CCDC171: variants seen among roughly 807,000 people sequenced by gnomAD.
CCDC171 encodes the protein coiled-coil domain containing 171.
CCDC171 carries 177 observed loss-of-function variants against 168.2 expected under a neutral mutation model. The ratio of observed to expected loss-of-function variants is 1.05; its 90% confidence interval spans 0.93 to 1.19. The LOEUF (loss-of-function observed/expected upper bound fraction) is 1.19. Among genes scored for constraint, CCDC171 ranks in the 50% most tolerant of loss-of-function variants. The pLI is 0.00. For missense variants in CCDC171, 1,991 were observed against 1,539.0 expected, an observed-to-expected ratio of 1.29 and a Z score of -4.91; for synonymous variants, 687 against 540.8, an observed-to-expected ratio of 1.27 and a Z score of -3.75.
At chr9:16,015,924 C>T (rs947759534) in intron 3 of CCDC171, among the ~76,000 whole-genome samples, 4 of 152,166 alleles carry the variant, frequency 2.6e-5, no homozygotes, top group African/African-American at 4.8e-5. Flanking sequence ...AAGGTTCATT[C>T]GTGTTGTAGC....
At chr9:15,751,849 GC>G (rs2055765477) in intron 18 of CCDC171, among the ~76,000 whole-genome samples, 1 of 152,248 alleles carries the variant, frequency 6.6e-6, no homozygotes, top group East Asian at 1.9e-4. Flanking sequence ...ATTGGCATGG[GC>G]AAAGACTTCA....
chr9:15,595,378 T>A (rs564570372), intron 6 of CCDC171, among the ~76,000 whole-genome samples: 1 of 152,288 alleles, frequency 6.6e-6, no homozygotes, highest in Non-Finnish European at 1.5e-5. Context: ...AATTCCCACC[T>A]ATGAGTGAGA....
intron 4 of CCDC171, among the ~76,000 whole-genome samples, chr9:15,585,380 T>C (rs2041475849): frequency 6.6e-6 from 1 of 152,228 alleles, no homozygotes; most frequent in Non-Finnish European, 1.5e-5. Context: ...TTGTGTTATA[T>C]AATGAAATGC....
chr9:15,680,217 G>A (rs1447151711), intron 10 of CCDC171, among the ~76,000 whole-genome samples: 2 of 152,164 alleles, frequency 1.3e-5, no homozygotes, highest in African/African-American at 2.4e-5. Flanking sequence ...ACATTTGTTC[G>A]ATGGATTTAT....
intron 24 of CCDC171, among the ~76,000 whole-genome samples, chr9:15,894,500 A>G (rs1198506851): frequency 5.3e-5 from 8 of 152,052 alleles, no homozygotes; most frequent in African/African-American, 1.2e-4. Flanking sequence ...ATGGCTTCCC[A>G]TCACCCTTAA....
chr9:15,674,119 T>A (rs2049334732), intron 9 of CCDC171, among the ~76,000 whole-genome samples: 1 of 152,176 alleles, frequency 6.6e-6, no homozygotes, highest in African/African-American at 2.4e-5. Context: ...TCTTCTAGAT[T>A]TTCTAGTTTA....
chr9:15,598,604 G>C (rs1427820979), intron 6 of CCDC171, among the ~76,000 whole-genome samples: 1 of 152,168 alleles, frequency 6.6e-6, no homozygotes, highest in East Asian at 1.9e-4. Context: ...GTGGTGTGGT[G>C]CTGAAAAGAA....
At chr9:15,756,151 G>C (rs1255734547) in intron 18 of CCDC171, among the ~76,000 whole-genome samples, 2 of 152,004 alleles carry the variant, frequency 1.3e-5, no homozygotes, top group Admixed American at 6.6e-5. Flanking sequence ...GGGATATTTT[G>C]TAGATGGATC....
chr9:15,998,625 G>T (rs768190440), intron 3 of CCDC171, among the ~76,000 whole-genome samples: 2 of 152,194 alleles, frequency 1.3e-5, no homozygotes, highest in African/African-American at 4.8e-5. Flanking sequence ...TTCTGTTGCT[G>T]ATAGGTTGGA....
intron 24 of CCDC171, among the ~76,000 whole-genome samples, chr9:15,904,939 T>C (rs2131700293): frequency 6.6e-6 from 1 of 151,944 alleles, no homozygotes; most frequent in Non-Finnish European, 1.5e-5. Context: ...CATTACATAA[T>C]GGTAAAGGGA....
Position 15,623,399 on chromosome 9 carries a change from A to G in CCDC171, c.808A>G (p.Arg270Gly). 6.2e-7 allele frequency: 1 copy of G among 1,605,690 alleles called. No homozygotes were observed. The highest frequency in any genetic ancestry group is 8.5e-7 in the Non-Finnish European group (1 of 1,175,352). The change falls in exon 7 of 26, where the codon AGA (arginine) becomes GGA (glycine). Residue 270 changes from arginine (R) to glycine (G), a missense_variant. Physicochemically the swap from Arg to Gly is moderately radical, Grantham distance 125. Coordinates refer to ENST00000380701, the MANE Select transcript of CCDC171 (RefSeq NM_173550.4). ...TAGCACTCAACGAGAGGAACGCCTTAGAAAAGAATTTGAGGTACATTTTCT... is the reference window on the plus strand; with the variant it reads ...TAGCACTCAACGAGAGGAACGCCTTGGAAAAGAATTTGAGGTACATTTTCT... Reference protein sequence around the residue: ...EFSTQREERLRKEFEATTLRV... With the variant: ...EFSTQREERLGKEFEATTLRV...
intron 9 of CCDC171, among the ~76,000 whole-genome samples, chr9:15,676,707 T>C (rs1461453917): frequency 6.6e-6 from 1 of 152,174 alleles, no homozygotes; most frequent in Non-Finnish European, 1.5e-5. Flanking sequence ...TGAGAAATTA[T>C]TTATCAGAGG....
intron 20 of CCDC171, among the ~76,000 whole-genome samples, chr9:15,779,964 C>T (rs188290602): frequency 7.9e-5 from 12 of 152,174 alleles, no homozygotes; most frequent in Admixed American, 5.9e-4. Context: ...AAAAGATTAC[C>T]CTGAAACTTC....
intron 21 of CCDC171, among the ~76,000 whole-genome samples, chr9:15,801,934 A>T (rs2058846362): frequency 1.3e-5 from 2 of 152,018 alleles, no homozygotes; most frequent in African/African-American, 4.8e-5. Context: ...TTATTGGCAT[A>T]TGTTGAACCA....
At chr9:16,068,612 A>G in the CCDC171 span, among the ~76,000 whole-genome samples, 2 of 152,182 alleles carry the variant, frequency 1.3e-5, no homozygotes, top group Non-Finnish European at 2.9e-5. Flanking sequence ...TGTTAATTTG[A>G]CTTCATGATG....
chr9:16,008,384 A>G (rs566936646), intron 3 of CCDC171, among the ~76,000 whole-genome samples: 1 of 152,026 alleles, frequency 6.6e-6, no homozygotes, highest in Admixed American at 6.6e-5. Context: ...TCTTCTTAAG[A>G]TCTCATCTAA....
chr9:15,877,467 C>T (rs764711816), intron 24 of CCDC171, among the ~76,000 whole-genome samples: 1 of 151,956 alleles, frequency 6.6e-6, no homozygotes. Context: ...TTTCTTCACC[C>T]TTCCCTGTTT....
At chr9:15,588,735 TCTCA>T (rs1431553325) in intron 4 of CCDC171, 3 of 148,186 alleles carry the variant, frequency 2.0e-5, no homozygotes, top group African/African-American at 8.3e-5. Context: ...TGAGACGGAG[TCTCA>T]CTCTGTCACC....
At chr9:16,016,379 A>G (rs1283747262) in intron 3 of CCDC171, among the ~76,000 whole-genome samples, 2 of 152,168 alleles carry the variant, frequency 1.3e-5, no homozygotes, top group African/African-American at 4.8e-5. Context: ...GATTTCCCAC[A>G]TAGCTTCGCT....
Sources: gnomAD v4.1 joint callset for allele counts (sites outside exome capture counted in the v4.1 genomes callset) on GRCh38, gnomAD v4.1.1 for gene constraint, MANE v1.5 for transcripts, NCBI Gene and HGNC (gene_info 2026-07-23, HGNC 2026-07-21) for gene names.